Variants in TMEM178B observed in about 807,000 individuals in gnomAD.
TMEM178B encodes the protein transmembrane protein 178B.
TMEM178B carries 5 observed loss-of-function variants against 31.0 expected under a neutral mutation model. The observed-to-expected ratio is 0.16, with a 90% CI of 0.08 to 0.34. The LOEUF is 0.34. TMEM178B is among the 10% of genes least tolerant of loss of function. The pLI, the probability that TMEM178B is intolerant of heterozygous loss-of-function variation, is 1.00. For synonymous variants in TMEM178B, 164 were observed against 164.0 expected, an observed-to-expected ratio of 1.00 and a Z score of 0.00; for missense variants, 275 against 400.3, an observed-to-expected ratio of 0.69 and a Z score of 2.67.
intron 3 of TMEM178B, among the ~76,000 whole-genome samples, chr7:141,438,693 T>TCCA (rs1300542734): frequency 3.4e-5 from 1 of 29,638 alleles, no homozygotes; most frequent in African/African-American, 1.2e-4. Context: ...ACCCCGTCTC[T>TCCA]ACTAAAAAAA....
intron 3 of TMEM178B, among the ~76,000 whole-genome samples, chr7:141,449,696 A>T (rs1232572298): frequency 6.6e-6 from 1 of 152,210 alleles, no homozygotes; most frequent in Non-Finnish European, 1.5e-5. Context: ...GAACTGGCCC[A>T]GATCGAGAGC....
At chr7:141,385,301 G>A (rs989477041) in intron 2 of TMEM178B, among the ~76,000 whole-genome samples, 33 of 152,168 alleles carry the variant, frequency 2.2e-4, no homozygotes, top group African/African-American at 7.7e-4. Flanking sequence ...CGTTAACAGG[G>A]AACCAGTCCC....
At chr7:141,262,378 G>T (rs1798026360) in intron 2 of TMEM178B, among the ~76,000 whole-genome samples, 1 of 151,628 alleles carries the variant, frequency 6.6e-6, no homozygotes, top group South Asian at 2.1e-4. Flanking sequence ...TAAAATGGAG[G>T]CATGCATGTG....
chr7:141,285,029 GA>G (rs1424257015), intron 2 of TMEM178B, among the ~76,000 whole-genome samples: 1 of 147,248 alleles, frequency 6.8e-6, no homozygotes, highest in Non-Finnish European at 1.5e-5. Context: ...AAGCCTACCA[GA>G]CTGAAAAGTG....
chr7:141,287,119 T>C (rs113901293), intron 2 of TMEM178B, among the ~76,000 whole-genome samples: 27 of 152,280 alleles, frequency 1.8e-4, no homozygotes, highest in African/African-American at 6.3e-4. Context: ...CCTCCCCTTA[T>C]ATCCTGTTTT....
chr7:141,224,999 C>G (rs954364617), intron 2 of TMEM178B, among the ~76,000 whole-genome samples: 1 of 152,224 alleles, frequency 6.6e-6, no homozygotes, highest in African/African-American at 2.4e-5. Context: ...TTTCTAGAAC[C>G]TGGCAGCAAG....
At chr7:141,104,267 C>T (rs76138655) in intron 1 of TMEM178B, among the ~76,000 whole-genome samples, 1 of 152,108 alleles carries the variant, frequency 6.6e-6, no homozygotes. Flanking sequence ...GGTGAAGGAT[C>T]CTCTGTTTTC....
Position 141,074,398 on chromosome 7 carries a change from C to T in TMEM178B, c.88C>T (p.His30Tyr), listed in dbSNP as rs1210791994. The T allele has an allele frequency of 5.2e-6, 8 of 1,536,146 alleles. No homozygotes were observed. Among genetic ancestry groups the T allele is most frequent in the Non-Finnish European group, 7.0e-6 (8 of 1,146,878 alleles). Residue 30 changes from histidine (H) to tyrosine (Y), a missense_variant, in exon 1 of 4, where the codon CAC (histidine) becomes TAC (tyrosine). His to Tyr is a moderately conservative substitution (Grantham distance 83). Coordinates refer to ENST00000565468, the MANE Select transcript of TMEM178B (RefSeq NM_001195278.2). This position sits in a 1 kb window ranked among gnomAD's most constrained non-coding sequence, Gnocchi z 5.1. ...GMLAVAICSD[H>Y]WYETDARKHR... ...GCTGGCCGTGGCCATCTGCTCGGAC[C>T]ACTGGTACGAGACGGACGCCAGGAA... is the stretch of plus-strand genomic sequence containing the variant.
chr7:141,505,405 C>G, the TMEM178B span, among the ~76,000 whole-genome samples: 1 of 152,188 alleles, frequency 6.6e-6, no homozygotes, highest in African/African-American at 2.4e-5. Flanking sequence ...ATATCTGCTC[C>G]CCTGCTCATT....
At chr7:141,219,342 G>A (rs1797217047) in intron 2 of TMEM178B, among the ~76,000 whole-genome samples, 1 of 152,182 alleles carries the variant, frequency 6.6e-6, no homozygotes, top group Non-Finnish European at 1.5e-5. Context: ...AAACATCCCA[G>A]ACATTAGAAG....
intron 1 of TMEM178B, among the ~76,000 whole-genome samples, chr7:141,190,526 G>C (rs1460186685): frequency 6.6e-6 from 1 of 151,866 alleles, no homozygotes. Context: ...GCCCAGGCTG[G>C]TCTTGAACTC....
At chr7:141,342,408 A>G (rs1201442954) in intron 2 of TMEM178B, among the ~76,000 whole-genome samples, 3 of 152,220 alleles carry the variant, frequency 2.0e-5, no homozygotes, top group African/African-American at 7.2e-5. Context: ...TTAAAAATGC[A>G]TATTCAAAAA....
intron 1 of TMEM178B, among the ~76,000 whole-genome samples, chr7:141,186,395 G>A (rs1796610309): frequency 6.6e-6 from 1 of 152,182 alleles, no homozygotes; most frequent in East Asian, 1.9e-4. Context: ...TGGCAGGGGT[G>A]TAAACTGCAG....
At chr7:141,117,831 G>GT (rs1563092428) in intron 1 of TMEM178B, among the ~76,000 whole-genome samples, 2 of 152,158 alleles carry the variant, frequency 1.3e-5, no homozygotes, top group Admixed American at 6.5e-5. Context: ...GATGTGTGGC[G>GT]TTTTTTCTGA....
intron 2 of TMEM178B, among the ~76,000 whole-genome samples, chr7:141,295,506 T>C (rs1386265298): frequency 6.6e-6 from 1 of 152,194 alleles, no homozygotes; most frequent in Non-Finnish European, 1.5e-5. Context: ...GTATCCTTAT[T>C]CATGAGTGCA....
chr7:141,183,554 T>C (rs1328654883), intron 1 of TMEM178B, among the ~76,000 whole-genome samples: 1 of 152,204 alleles, frequency 6.6e-6, no homozygotes, highest in Non-Finnish European at 1.5e-5. Context: ...AACACTGATG[T>C]GTTAGTCACC....
chr7:141,151,508 T>C (rs1320470451), intron 1 of TMEM178B, among the ~76,000 whole-genome samples: 2 of 152,088 alleles, frequency 1.3e-5, no homozygotes, highest in Non-Finnish European at 2.9e-5. Context: ...CACCTGACTC[T>C]AAGGCAGGGG....
In TMEM178B at chr7:141,283,652, G is replaced by A. The variant is rs147950238; in HGVS notation, c.496+70948G>A. ...TGTTGTTCTTCCTGAGGCAGCCACA[G>A]CATAAGCTCTTTGACCCTCTACTTC... On this transcript the variant is annotated intron_variant, in intron 2 of 3. Transcript: ENST00000565468. Among the ~76,000 whole-genome samples the A allele has an allele frequency of 4.7e-4, 72 of 152,338 alleles. 1 individual carries two copies. The highest frequency in any genetic ancestry group is 1.7e-3 in the African/African-American group (71 of 41,566).
chr7:141,174,927 T>C (rs958946510), intron 1 of TMEM178B, among the ~76,000 whole-genome samples: 17 of 152,232 alleles, frequency 1.1e-4, no homozygotes, highest in African/African-American at 3.9e-4. Flanking sequence ...TTCACTCTGA[T>C]GATAGTTTCT....
Sources: allele counts gnomAD v4.1 joint callset (sites outside exome capture counted in the v4.1 genomes callset), GRCh38; gene constraint gnomAD v4.1.1; non-coding constraint Gnocchi (gnomAD v3.1); transcripts MANE v1.5; gene names NCBI Gene and HGNC (gene_info 2026-07-23, HGNC 2026-07-21).